The following IFT80 variants were observed in gnomAD, a reference collection of about 807,000 sequenced individuals.
IFT80 encodes intraflagellar transport protein 80 homolog.
IFT80 carries 79 observed loss-of-function variants against 107.9 expected under a neutral mutation model. The ratio of observed to expected loss-of-function variants is 0.73; its 90% CI spans 0.61 to 0.88. The LOEUF is 0.88. Ranked by LOEUF, IFT80 falls within the 40% of genes least tolerant of loss-of-function variation. The pLI is 0.00. For synonymous variants in IFT80, 299 were observed against 300.9 expected, an observed-to-expected ratio of 0.99 and a Z score of 0.07; for missense variants, 797 against 914.2, an observed-to-expected ratio of 0.87 and a Z score of 1.65.
chr3:160,355,336 C>T (rs1040013446), intron 8 of IFT80, among the ~76,000 whole-genome samples: 9 of 152,190 alleles, frequency 5.9e-5, no homozygotes, highest in Non-Finnish European at 8.8e-5. Context: ...ACAGCCTCCA[C>T]CTCCTGGGCT....
At chr3:160,347,344 GA>G (rs1553762226) in intron 8 of IFT80, among the ~76,000 whole-genome samples, 1 of 151,986 alleles carries the variant, frequency 6.6e-6, no homozygotes, top group African/African-American at 2.4e-5. Context: ...TCAAAGCTCA[GA>G]AAAAATTGAT....
intron 12 of IFT80, among the ~76,000 whole-genome samples, chr3:160,289,796 G>A (rs1715389584): frequency 6.6e-6 from 1 of 152,118 alleles, no homozygotes; most frequent in Admixed American, 6.6e-5. Context: ...GGGTTCCTTG[G>A]CTCAATTCTG....
chr3:160,325,761 T>C (rs1300641841), intron 8 of IFT80, among the ~76,000 whole-genome samples: 1 of 152,144 alleles, frequency 6.6e-6, no homozygotes, highest in African/African-American at 2.4e-5. Context: ...TAATTTTATA[T>C]ATTTCTTATA....
At chr3:160,395,101 G>A (rs1227716168) in intron 1 of IFT80, among the ~76,000 whole-genome samples, 1 of 152,132 alleles carries the variant, frequency 6.6e-6, no homozygotes, top group Non-Finnish European at 1.5e-5. Flanking sequence ...AATTATCTGA[G>A]TGAAAGGATT....
intron 12 of IFT80, among the ~76,000 whole-genome samples, chr3:160,300,010 T>A (rs1173121414): frequency 2.0e-5 from 3 of 152,116 alleles, no homozygotes; most frequent in Non-Finnish European, 4.4e-5. Context: ...ACTCTCTACC[T>A]AGCTCATTTT....
chr3:160,259,108 C>T (rs994151918), intron 19 of IFT80, among the ~76,000 whole-genome samples: 2 of 149,874 alleles, frequency 1.3e-5, no homozygotes, highest in Admixed American at 1.3e-4. Flanking sequence ...GGCCCTGTCT[C>T]AAAAAAAACA....
At chr3:160,347,811 G>T (rs549506161) in intron 8 of IFT80, among the ~76,000 whole-genome samples, 1 of 152,076 alleles carries the variant, frequency 6.6e-6, no homozygotes, top group African/African-American at 2.4e-5. Context: ...TCCTGCTCAT[G>T]GACATTTATT....
chr3:160,377,735 T>C (rs1456205138), intron 3 of IFT80, 195 bp from the exon 4 acceptor site: 2 of 436,098 alleles, frequency 4.6e-6, no homozygotes, highest in African/African-American at 2.1e-5. Flanking sequence ...AAATTGAAAA[T>C]GCATATGCTT....
At chr3:160,353,354 G>T (rs1045196767) in intron 8 of IFT80, among the ~76,000 whole-genome samples, 2 of 152,082 alleles carry the variant, frequency 1.3e-5, no homozygotes, top group African/African-American at 4.8e-5. Flanking sequence ...GAGAGATCAG[G>T]GGCTCAACTC....
intron 18 of IFT80, chr3:160,274,410 T>C (rs1714071775): frequency 6.6e-6 from 1 of 152,222 alleles, no homozygotes; most frequent in Non-Finnish European, 1.5e-5. Context: ...CACCTTCTTC[T>C]GTGATACCTA....
intron 5 of IFT80, among the ~76,000 whole-genome samples, chr3:160,370,309 T>G (rs1484678601): frequency 6.6e-6 from 1 of 152,150 alleles, no homozygotes; most frequent in East Asian, 1.9e-4. Flanking sequence ...ATCTGTTAAC[T>G]ACTACAAATT....
chr3:160,325,584 T>C (rs1024847765), intron 8 of IFT80, among the ~76,000 whole-genome samples: 2 of 152,082 alleles, frequency 1.3e-5, no homozygotes, highest in African/African-American at 2.4e-5. Context: ...GGGAATAAGA[T>C]TGAGTATCCT....
At chr3:160,311,094 C>T (rs951748207) in intron 9 of IFT80, among the ~76,000 whole-genome samples, 12 of 152,022 alleles carry the variant, frequency 7.9e-5, no homozygotes, top group East Asian at 1.9e-4. Flanking sequence ...CACTGCACTC[C>T]AGCCTGGGTG....
chr3:160,325,749 G>T (rs1718635637), intron 8 of IFT80, among the ~76,000 whole-genome samples: 1 of 152,022 alleles, frequency 6.6e-6, no homozygotes, highest in South Asian at 2.1e-4. Flanking sequence ...ATAGCAGAAA[G>T]ATAATTTTAT....
At chr3:160,261,153 A>G (rs2108195635) in intron 19 of IFT80, among the ~76,000 whole-genome samples, 1 of 151,848 alleles carries the variant, frequency 6.6e-6, no homozygotes, top group East Asian at 1.9e-4. Flanking sequence ...GCAAGCTACC[A>G]TCCTTCTTCT....
chr3:160,379,962 CTCTT>C (rs1417291010), intron 3 of IFT80, among the ~76,000 whole-genome samples: 4 of 152,022 alleles, frequency 2.6e-5, no homozygotes, highest in African/African-American at 9.7e-5. Context: ...AAGCCCTCTT[CTCTT>C]TCTCTTTTCC....
At chr3:160,298,870 TA>T (rs1420833676) in intron 12 of IFT80, among the ~76,000 whole-genome samples, 38 of 152,270 alleles carry the variant, frequency 2.5e-4, no homozygotes, top group African/African-American at 8.9e-4. Context: ...TAACCACGTC[TA>T]AACATAGAAA....
chr3:160,351,947 C>T (rs1720738149), intron 8 of IFT80, among the ~76,000 whole-genome samples: 1 of 151,576 alleles, frequency 6.6e-6, no homozygotes, highest in African/African-American at 2.4e-5. Flanking sequence ...GAGATAATAC[C>T]ATCACACATA....
At chr3:160,360,255 A>C (rs962721552) in intron 6 of IFT80, among the ~76,000 whole-genome samples, 2 of 152,230 alleles carry the variant, frequency 1.3e-5, no homozygotes, top group African/African-American at 4.8e-5. Context: ...AAAGGGTATC[A>C]GTGATTGAAG....
Sources: allele counts gnomAD v4.1 joint callset (sites outside exome capture counted in the v4.1 genomes callset), GRCh38; gene constraint gnomAD v4.1.1; transcripts MANE v1.5; gene names NCBI Gene and HGNC (gene_info 2026-07-23, HGNC 2026-07-21).